Variants in UBR3 observed in about 807,000 individuals in gnomAD.
UBR3 encodes E3 ubiquitin-protein ligase UBR3.
UBR3 carries 85 observed loss-of-function variants against 243.2 expected under a neutral mutation model. The ratio of observed to expected loss-of-function variants is 0.35; its 90% CI spans 0.29 to 0.42. UBR3 has a LOEUF of 0.42. Among genes scored for constraint, UBR3 ranks in the 10% least tolerant of loss-of-function variants. The pLI, the probability that UBR3 is intolerant of heterozygous loss-of-function variation, is 1.00. For missense variants in UBR3, 1,686 were observed against 2,300.8 expected, an observed-to-expected ratio of 0.73 and a Z score of 5.47; for synonymous variants, 748 against 799.8, an observed-to-expected ratio of 0.94 and a Z score of 1.09.
At chr2:169,854,936 G>A (rs1249536214) in intron 1 of UBR3, among the ~76,000 whole-genome samples, 2 of 152,066 alleles carry the variant, frequency 1.3e-5, no homozygotes, top group Non-Finnish European at 2.9e-5. Flanking sequence ...ATAATTTCTC[G>A]TTTTCATTAA....
chr2:170,079,983 G>A lies in UBR3; in HGVS notation c.5369G>A (p.Gly1790Glu). The A allele has an allele frequency of 6.2e-7, 1 of 1,613,966 alleles. No individual in the cohort carries two copies. The highest frequency in any genetic ancestry group is 8.5e-7 in the Non-Finnish European group (1 of 1,179,938). ...TGTGGTACTTTTGTATGCCTGAAAG[G>A]ACTTTGCTGCAAGCAACAAAGTTAC... ...LVCGTFVCLK[G>E]LCCKQQSYCE... The change falls in exon 37 of 39, where the codon GGA becomes GAA. Residue 1790 changes from glycine to glutamate, a missense_variant. Gly to Glu is a moderately conservative substitution (Grantham distance 98). Transcript: ENST00000272793.
intron 5 of UBR3, among the ~76,000 whole-genome samples, chr2:169,887,482 T>C (rs2084147561): frequency 6.6e-6 from 1 of 152,206 alleles, no homozygotes; most frequent in Non-Finnish European, 1.5e-5. Flanking sequence ...GCCTGAATTC[T>C]CTACTTTTGG....
At chr2:170,028,907 A>G (rs897260291) in intron 30 of UBR3, among the ~76,000 whole-genome samples, 1 of 151,976 alleles carries the variant, frequency 6.6e-6, no homozygotes, top group Non-Finnish European at 1.5e-5. Flanking sequence ...AATGAGGTTT[A>G]GAGGGACATA....
chr2:169,963,222 C>T (rs889547690), intron 24 of UBR3, among the ~76,000 whole-genome samples: 1 of 152,086 alleles, frequency 6.6e-6, no homozygotes, highest in Admixed American at 6.6e-5. Context: ...TGTATACAGT[C>T]CTTCAAATAA....
At chr2:169,852,435 C>G (rs891031615) in intron 1 of UBR3, among the ~76,000 whole-genome samples, 1 of 152,132 alleles carries the variant, frequency 6.6e-6, no homozygotes, top group Non-Finnish European at 1.5e-5. Context: ...TTGGAACATA[C>G]CACACTAATT....
chr2:169,972,349 G>T (rs1475277876), intron 24 of UBR3, among the ~76,000 whole-genome samples: 2 of 152,070 alleles, frequency 1.3e-5, no homozygotes, highest in African/African-American at 2.4e-5. Context: ...GGAGGAACTG[G>T]TACCATTCCT....
intron 31 of UBR3, among the ~76,000 whole-genome samples, chr2:170,035,067 A>G (rs538601654): frequency 6.6e-6 from 1 of 152,050 alleles, no homozygotes; most frequent in East Asian, 1.9e-4. Flanking sequence ...AGTATTTTAC[A>G]TATCAGTCCT....
At chr2:169,871,416 A>G (rs74456760) in intron 1 of UBR3, among the ~76,000 whole-genome samples, 3,573 of 124,684 alleles carry the variant, frequency 0.029, 114 homozygotes, top group African/African-American at 0.1. Context: ...TCTTTAAGGG[A>G]AAAAAAAAAA....
chr2:169,960,029 T>C (rs1465284396), intron 24 of UBR3, among the ~76,000 whole-genome samples: 1 of 152,028 alleles, frequency 6.6e-6, no homozygotes, highest in Non-Finnish European at 1.5e-5. Context: ...GGTGGGTGGA[T>C]CACTTGAGGT....
intron 29 of UBR3, chr2:170,013,934 G>C (rs896588554): frequency 4.3e-6 from 2 of 469,160 alleles, no homozygotes; most frequent in African/African-American, 4.0e-5. Flanking sequence ...CTCGCTTTCT[G>C]TCCACTAGTA....
chr2:169,844,125 C>A (rs1361197708), intron 1 of UBR3, among the ~76,000 whole-genome samples: 1 of 151,218 alleles, frequency 6.6e-6, no homozygotes, highest in Non-Finnish European at 1.5e-5. Context: ...TCCTGCCTCA[C>A]CCTCCCTAGT....
intron 1 of UBR3, among the ~76,000 whole-genome samples, chr2:169,840,119 A>G (rs1262214814): frequency 6.6e-6 from 1 of 152,116 alleles, no homozygotes; most frequent in African/African-American, 2.4e-5. Context: ...ATACCTCCCG[A>G]GTCTGCTTTT....
At chr2:169,945,575 C>T (rs1303763937) in intron 20 of UBR3, among the ~76,000 whole-genome samples, 2 of 152,182 alleles carry the variant, frequency 1.3e-5, no homozygotes, top group East Asian at 3.8e-4. Flanking sequence ...TTCTTCCTTT[C>T]ATCCTTTCCA....
intron 29 of UBR3, among the ~76,000 whole-genome samples, chr2:170,011,989 T>C (rs970688768): frequency 7.9e-5 from 12 of 152,146 alleles, no homozygotes; most frequent in Non-Finnish European, 1.6e-4. Flanking sequence ...AGTCTAGAGA[T>C]ACTGGTGAGT....
chr2:169,900,498 T>G (rs1435870237), intron 8 of UBR3, among the ~76,000 whole-genome samples: 1 of 152,208 alleles, frequency 6.6e-6, no homozygotes. Context: ...TTAGTTTAAT[T>G]AGATCCCATT....
chr2:169,912,214 C>CT (rs1361605471), intron 10 of UBR3, among the ~76,000 whole-genome samples: 1 of 120,070 alleles, frequency 8.3e-6, no homozygotes, highest in Non-Finnish European at 2.1e-5. Flanking sequence ...CTGTTTTTAA[C>CT]TTAAAAAAGG....
Position 170,073,315 on chromosome 2 carries a change from C to T in UBR3, c.5020-113C>T. On this transcript the variant is annotated intron_variant, in intron 35 of 38. Coordinates refer to ENST00000272793, the MANE Select transcript of UBR3 (RefSeq NM_172070.4). ...TCCCTTCACTTTTTTTCAGTTGACT[C>T]AGTTAAGAAAGTTTTCTTATTGTCT... The T allele has an allele frequency of 2.5e-6, 3 of 1,221,236 alleles. 1 individual carries two copies. The highest frequency in any genetic ancestry group is 2.7e-5 in the South Asian group (2 of 74,030). 75.6% of individuals were successfully genotyped at this position (1,221,236 alleles called of 1,614,324 possible).
intron 26 of UBR3, among the ~76,000 whole-genome samples, chr2:169,996,725 A>T (rs1460681435): frequency 8.5e-6 from 1 of 117,196 alleles, no homozygotes. Flanking sequence ...ATAGAGTCTC[A>T]CTCCATCGCC....
chr2:169,861,482 C>T (rs1189795004), intron 1 of UBR3, among the ~76,000 whole-genome samples: 6 of 151,784 alleles, frequency 4.0e-5, no homozygotes, highest in African/African-American at 1.5e-4. Flanking sequence ...GTGGCGGCGC[C>T]TGTAATCCTG....
Sources: allele counts gnomAD v4.1 joint callset (sites outside exome capture counted in the v4.1 genomes callset), GRCh38; gene constraint gnomAD v4.1.1; transcripts MANE v1.5; gene names NCBI Gene and HGNC (gene_info 2026-07-23, HGNC 2026-07-21).